PRKN: variants seen among roughly 807,000 people sequenced by gnomAD.
PRKN encodes parkin RBR E3 ubiquitin protein ligase, also known as E3 ubiquitin-protein ligase parkin.
Under a neutral mutation model 59.5 loss-of-function variants are expected in PRKN, and 56 were observed. That is an observed-to-expected ratio of 0.94 (90% CI 0.76 to 1.18). The LOEUF (loss-of-function observed/expected upper bound fraction) is 1.18, where lower values mean the gene tolerates loss of function less well. Ranked by LOEUF, PRKN falls within the 50% of genes most tolerant of loss-of-function variation. The pLI, the probability that PRKN is intolerant of heterozygous loss-of-function variation, is 0.00. For missense variants in PRKN, 657 were observed against 596.4 expected, an observed-to-expected ratio of 1.10 and a Z score of -1.06; for synonymous variants, 250 against 222.1, an observed-to-expected ratio of 1.13 and a Z score of -1.12.
At chr6:162,115,607 A>T (rs934460667) in intron 4 of PRKN, among the ~76,000 whole-genome samples, 5 of 151,676 alleles carry the variant, frequency 3.3e-5, no homozygotes, top group African/African-American at 1.2e-4. Flanking sequence ...GTGTTATCTG[A>T]GAGATCACTT....
chr6:161,412,820 A>C, intron 9 of PRKN, among the ~76,000 whole-genome samples: 3 of 125,514 alleles, frequency 2.4e-5, no homozygotes, highest in African/African-American at 3.2e-5. Flanking sequence ...TCATTCCTTC[A>C]CTCACTCCTT....
chr6:161,564,162 A>C (rs970763504), intron 8 of PRKN, among the ~76,000 whole-genome samples: 38 of 152,072 alleles, frequency 2.5e-4, no homozygotes, highest in African/African-American at 8.9e-4. Context: ...AGTTGCCCCC[A>C]CCGCTGGCAG....
intron 2 of PRKN, among the ~76,000 whole-genome samples, chr6:162,407,644 T>C (rs575354183): frequency 1.8e-4 from 27 of 152,292 alleles, no homozygotes; most frequent in African/African-American, 6.5e-4. Flanking sequence ...AGATCTCAAT[T>C]CTTATCACCT....
chr6:162,114,600 A>C (rs9458463), intron 4 of PRKN, among the ~76,000 whole-genome samples: 62,247 of 151,362 alleles, frequency 0.41, 13,663 homozygotes, highest in African/African-American at 0.56. Context: ...ACTCGTCTGA[A>C]AAAGGGCTAA....
intron 6 of PRKN, among the ~76,000 whole-genome samples, chr6:161,937,248 T>C (rs1779392630): frequency 6.6e-6 from 1 of 152,260 alleles, no homozygotes; most frequent in Non-Finnish European, 1.5e-5. Flanking sequence ...TTGACAGAGA[T>C]TATGTTGAGA....
chr6:161,720,137 A>G (rs1787160422), intron 7 of PRKN, among the ~76,000 whole-genome samples: 1 of 152,246 alleles, frequency 6.6e-6, no homozygotes, highest in Non-Finnish European at 1.5e-5. Context: ...AAGTATAAGA[A>G]TAATCACAAG....
chr6:162,378,446 C>T (rs1161326568), intron 2 of PRKN, among the ~76,000 whole-genome samples: 1 of 152,214 alleles, frequency 6.6e-6, no homozygotes, highest in Non-Finnish European at 1.5e-5. Context: ...CCCCTGGGGG[C>T]CTGAACACCC....
chr6:162,575,231 C>T (rs9458611), intron 1 of PRKN, among the ~76,000 whole-genome samples: 49,057 of 152,024 alleles, frequency 0.32, 8,367 homozygotes, highest in African/African-American at 0.43. Context: ...AAAGCGATGT[C>T]TTCTGGTAGA....
chr6:161,898,270 G>T (rs1777735802), intron 6 of PRKN, among the ~76,000 whole-genome samples: 1 of 150,554 alleles, frequency 6.6e-6, no homozygotes, highest in South Asian at 2.1e-4. Context: ...TTGAATTACG[G>T]AAGTATTTTA....
rs895039253 is a variant in PRKN, at chr6:161,349,049, G to A, written c.*1050C>T. ...GATTGGACAGAGAGGGTGTGCCAAA[G>A]GGGTATAAACCCTTCTGATGGAGAG... On this transcript the variant is annotated 3_prime_UTR_variant, in exon 12 of 12. Coordinates refer to ENST00000366898, the MANE Select transcript of PRKN (RefSeq NM_004562.3). The surrounding 1 kb of genome is among the most constrained non-coding windows in gnomAD (Gnocchi z 5.5). 7 of 216,154 alleles carry A rather than the reference G, an allele frequency of 3.2e-5. No individual in the cohort carries two copies. The highest frequency in any genetic ancestry group is 1.6e-4 in the African/African-American group (7 of 44,376). The allele number at this position is 216,154 out of a possible 1,614,324, so 13.4% of individuals were successfully genotyped here. A position where few individuals can be genotyped will look rare whatever the true frequency, so the allele number is the denominator to read the frequency against.
chr6:161,661,204 A>T (rs1007706491), intron 7 of PRKN, among the ~76,000 whole-genome samples: 13 of 152,110 alleles, frequency 8.5e-5, no homozygotes, highest in Admixed American at 1.3e-4. Context: ...ATCCTTTCTC[A>T]TCTTATCCTA....
chr6:161,683,095 C>T (rs887560446), intron 7 of PRKN, among the ~76,000 whole-genome samples: 1 of 152,200 alleles, frequency 6.6e-6, no homozygotes, highest in African/African-American at 2.4e-5. Flanking sequence ...GTGCCCTTTA[C>T]TCATCTGGCA....
chr6:162,249,562 G>A lies in PRKN; in HGVS notation c.412+12963C>T, dbSNP rs753670257. Among the ~76,000 whole-genome samples the A allele has an allele frequency of 4.6e-5, 7 of 152,064 alleles. 1 individual carries two copies. Among genetic ancestry groups the A allele is most frequent in the Non-Finnish European group, 2.9e-5 (2 of 68,022 alleles). ...CATCCCAATTTATATATACAGTGCA[G>A]GCAAAATATGGTGGAGAGAATGTCT... On this transcript the variant is annotated intron_variant, in intron 3 of 11. Transcript: ENST00000366898.
chr6:161,902,111 G>GA (rs1205594739), intron 6 of PRKN, among the ~76,000 whole-genome samples: 1 of 152,134 alleles, frequency 6.6e-6, no homozygotes, highest in African/African-American at 2.4e-5. Context: ...TTTGACTTGA[G>GA]AAAAATAGGA....
At chr6:162,419,176 T>C (rs1233737777) in intron 2 of PRKN, among the ~76,000 whole-genome samples, 4 of 152,154 alleles carry the variant, frequency 2.6e-5, no homozygotes, top group Non-Finnish European at 4.4e-5. Context: ...CTTAAGACTA[T>C]GTCTGTGACT....
intron 5 of PRKN, among the ~76,000 whole-genome samples, chr6:162,029,570 C>T (rs956614336): frequency 4.6e-5 from 7 of 152,170 alleles, no homozygotes; most frequent in African/African-American, 1.2e-4. Context: ...TCCATGCCAG[C>T]GCTCTTTGCT....
chr6:161,749,187 C>T (rs1187738492), intron 7 of PRKN, among the ~76,000 whole-genome samples: 1 of 152,180 alleles, frequency 6.6e-6, no homozygotes, highest in Non-Finnish European at 1.5e-5. Flanking sequence ...TCTACTGGGA[C>T]CTAGAGGGGC....
At chr6:162,267,807 GT>G (rs1197361725) in intron 2 of PRKN, among the ~76,000 whole-genome samples, 8 of 151,790 alleles carry the variant, frequency 5.3e-5, no homozygotes, top group Non-Finnish European at 2.9e-5. Flanking sequence ...ATCCATGGGA[GT>G]TTTTTTTGCC....
intron 1 of PRKN, among the ~76,000 whole-genome samples, chr6:162,641,845 C>G (rs768094826): frequency 4.6e-5 from 7 of 152,040 alleles, no homozygotes; most frequent in African/African-American, 7.2e-5. Context: ...ATAATTCTAT[C>G]AAAACTGAAC....
Sources: gnomAD v4.1 joint callset for allele counts (sites outside exome capture counted in the v4.1 genomes callset) on GRCh38, gnomAD v4.1.1 for gene constraint, Gnocchi (gnomAD v3.1) non-coding constraint, MANE v1.5 for transcripts, NCBI Gene and HGNC (gene_info 2026-07-23, HGNC 2026-07-21) for gene names.